TEP1: variants seen among roughly 807,000 people sequenced by gnomAD.
The protein encoded by TEP1 is telomerase protein component 1.
In TEP1, 241 loss-of-function variants were observed where a neutral mutation model predicts 306.3. The observed-to-expected ratio is 0.79, with a 90% CI of 0.71 to 0.88. TEP1 has a LOEUF of 0.88. TEP1 is among the 40% of genes least tolerant of loss of function. The pLI is 0.00. For missense variants in TEP1, 3,051 were observed against 3,276.1 expected, an observed-to-expected ratio of 0.93 and a Z score of 1.68; for synonymous variants, 1,289 against 1,305.5, an observed-to-expected ratio of 0.99 and a Z score of 0.27.
At chr14:20,407,520 T>C (rs1186594907) in intron 2 of TEP1, among the ~76,000 whole-genome samples, 1 of 152,202 alleles carries the variant, frequency 6.6e-6, no homozygotes, top group African/African-American at 2.4e-5. Context: ...TTTGTATTTT[T>C]GGTAGAGACG....
chr14:20,378,626 C>G, intron 37 of TEP1, 91 bp from the exon 38 acceptor site: 1 of 1,594,386 alleles, frequency 6.3e-7, no homozygotes. Flanking sequence ...GTCCAGTTAC[C>G]CTGCCCTCAG....
At chr14:20,394,474 C>CTTTTTTTTTTTT (rs747749338) in intron 12 of TEP1, among the ~76,000 whole-genome samples, 1 of 100,448 alleles carries the variant, frequency 1.0e-5, no homozygotes, top group African/African-American at 4.0e-5. Flanking sequence ...GCCCCTTGGG[C>CTTTTTTTTTTTT]TTTTTTTTTT....
intron 14 of TEP1, 88 bp from the exon 15 acceptor site, chr14:20,390,846 T>G (rs982255022): frequency 9.9e-6 from 16 of 1,612,036 alleles, no homozygotes; most frequent in African/African-American, 5.3e-5. Flanking sequence ...TCTTCAGAAC[T>G]GTGTATTGTC....
Position 20,406,285 on chromosome 14 carries a change from C to G in TEP1, c.683G>C (p.Gly228Ala), listed in dbSNP as rs1879168391. ...AGGCTCTGGATGAGATTCAGAGTCT[C>G]CAGAGGTGAGCTTCACGGCCAGATC... ...VEDLAVKLTS[G>A]DSESHPEPTD... Residue 228 changes from glycine (G) to alanine (A), a missense_variant, in exon 3 of 55, where the codon GGA becomes GCA. Gly to Ala is a moderately conservative substitution (Grantham distance 60). This residue lies in a region of TEP1 where 1,507 missense variants were observed against 1,550.5 expected (regional missense o/e 0.97). Transcript: ENST00000262715. 2 of 1,613,976 alleles carry G rather than the reference C, an allele frequency of 1.2e-6. No individual in the cohort carries two copies. The highest frequency in any genetic ancestry group is 1.7e-6 in the Non-Finnish European group (2 of 1,180,030).
At chr14:20,377,862 C>A in intron 39 of TEP1, 109 bp from the exon 40 acceptor site, 1 of 1,498,514 alleles carries the variant, frequency 6.7e-7, no homozygotes, top group South Asian at 1.2e-5. Flanking sequence ...AGACTCTTCT[C>A]ATGAGAGCTG....
intron 2 of TEP1, among the ~76,000 whole-genome samples, chr14:20,407,382 A>ACAGTCTC (rs1325929463): frequency 1.3e-5 from 2 of 152,196 alleles, no homozygotes; most frequent in East Asian, 3.8e-4. Context: ...TTTTTGAGAC[A>ACAGTCTC]CAGTCTCTCT....
chr14:20,391,868 C>T, intron 12 of TEP1, 101 bp from the exon 13 acceptor site: 1 of 1,342,830 alleles, frequency 7.4e-7, no homozygotes, highest in Non-Finnish European at 1.0e-6. Context: ...TGAGTCTTCT[C>T]CCTCCCTCAA....
At chr14:20,373,441 C>T in intron 46 of TEP1, 39 bp from the exon 47 acceptor site, 1 of 1,613,962 alleles carries the variant, frequency 6.2e-7, no homozygotes, top group Non-Finnish European at 8.5e-7. Flanking sequence ...TGAGAGTGGG[C>T]ACAACAGAAG....
intron 8 of TEP1, 121 bp downstream of exon 8, chr14:20,401,320 AAGGCAGTCATGTCTAC>A (rs1316317587): frequency 1.4e-6 from 2 of 1,393,452 alleles, no homozygotes; most frequent in South Asian, 1.4e-5. Flanking sequence ...AGCAATTGGA[AAGGCAGTCATGTCTAC>A]AGGGCATGTC....
intron 12 of TEP1, among the ~76,000 whole-genome samples, chr14:20,393,029 T>C (rs1032263503): frequency 1.7e-4 from 26 of 152,046 alleles, no homozygotes; most frequent in African/African-American, 5.1e-4. Flanking sequence ...CTGACTCACA[T>C]GGTGAAACCC....
chr14:20,404,943 C>G (rs745719303), intron 4 of TEP1, among the ~76,000 whole-genome samples, 171 bp from the exon 5 acceptor site: 1 of 152,212 alleles, frequency 6.6e-6, no homozygotes, highest in Non-Finnish European at 1.5e-5. Flanking sequence ...GTCCTCCATA[C>G]TCTATCCCTT....
At position 20,400,991 on chromosome 14, in the gene TEP1, T is replaced by A; in HGVS notation, c.1542A>T (p.Glu514Asp). The change falls in exon 9 of 55, where the codon GAA becomes GAT. Residue 514 changes from glutamate (E) to aspartate (D), a missense_variant. Glu to Asp is a conservative substitution (Grantham distance 45). Transcript: ENST00000262715. ...LRGNKASVWE[E>D]LIENGKLPFM... Reference sequence around the variant, plus strand: ...TGGTCAAGGTCACTCTACCAATGAGTTCCTCCCAGACCGACGCTTTGTTCC... The same window carrying A: ...TGGTCAAGGTCACTCTACCAATGAGATCCTCCCAGACCGACGCTTTGTTCC... The A allele has an allele frequency of 6.2e-7, 1 of 1,613,884 alleles. No individual in the cohort carries two copies. Among genetic ancestry groups the A allele is most frequent in the Non-Finnish European group, 8.5e-7 (1 of 1,179,934 alleles).
At chr14:20,390,621 A>G in intron 15 of TEP1, 60 bp downstream of exon 15, 1 of 1,512,568 alleles carries the variant, frequency 6.6e-7, no homozygotes, top group Non-Finnish European at 9.2e-7. Context: ...GAAATGAAAT[A>G]TATCAGTTGC....
Position 20,382,240 on chromosome 14 carries a change from T to G in TEP1, c.4257A>C (p.Leu1419=). The G allele has an allele frequency of 6.2e-7, 1 of 1,614,084 alleles. No individual in the cohort carries two copies. ...AGCACTGACCACTCCGTGTGACTTC[T>G]AGGGCAGTCAAGGCCTGGGGAAGGA... is the stretch of plus-strand genomic sequence containing the variant. ...PDVLPQALTA[L]EVTRSGLTVD... The change falls in exon 29 of 55, where the codon CTA becomes CTC. Residue 1419 remains leucine (L), a synonymous_variant. Transcript: ENST00000262715.
chr14:20,378,214 G>A lies in TEP1; in HGVS notation c.5531C>T (p.Ser1844Phe), dbSNP rs1594330670. 1 of 1,613,554 alleles carries A rather than the reference G, an allele frequency of 6.2e-7. No individual in the cohort carries two copies. The highest frequency in any genetic ancestry group is 2.2e-5 in the East Asian group (1 of 44,866). Residue 1844 changes from serine to phenylalanine, a missense_variant, in exon 39 of 55, where the codon TCT becomes TTT. Ser to Phe is a radical substitution (Grantham distance 155, BLOSUM62 -2). Transcript: ENST00000262715. The stretch of plus-strand genomic sequence containing the variant: ...CACATTGAAGGCCAAGGTACGGATA[G>A]AGGCTCCGGGTGCCCCCAGGTCCTA... ...VTKDLGAPGA[S>F]IRTLAFNVPG...
chr14:20,371,287 T>C lies in TEP1; in HGVS notation c.7248A>G (p.Ile2416Met). ...TGCCATACTCCTTGTGGGTGGACAA[T>C]ATCATAGGATTTTCTGTATAGCTGC... The part of the protein sequence containing the change: ...IWSSYTENPM[I>M]LSTHKEYGIF... The change falls in exon 51 of 55, where the codon ATA becomes ATG. Residue 2416 changes from isoleucine (I) to methionine (M), a missense_variant. Ile to Met is a conservative substitution (Grantham distance 10). Coordinates refer to ENST00000262715, the MANE Select transcript of TEP1 (RefSeq NM_007110.5). 1 of 1,614,154 alleles carries C rather than the reference T, an allele frequency of 6.2e-7. No homozygotes were observed. The highest frequency in any genetic ancestry group is 1.1e-5 in the South Asian group (1 of 91,080).
In TEP1 at chr14:20,377,396, G is replaced by A. The variant is rs753529913; in HGVS notation, c.5972C>T (p.Ser1991Phe). Residue 1991 changes from serine to phenylalanine, a missense_variant, in exon 41 of 55, where the codon TCC (serine) becomes TTC (phenylalanine). Transcript: ENST00000262715. ...TTCCTTGAGTGCCCAGCCCTGCAAGGACCCATCTTCTGCACCACTCACCAA... is the reference window on the plus strand; with the variant it reads ...TTCCTTGAGTGCCCAGCCCTGCAAGAACCCATCTTCTGCACCACTCACCAA... ...KVLVSGAEDG[S>F]LQGWALKECS... The A allele has an allele frequency of 5.0e-6, 8 of 1,613,944 alleles. No homozygotes were observed. Among genetic ancestry groups the A allele is most frequent in the Non-Finnish European group, 5.9e-6 (7 of 1,180,020 alleles).
At chr14:20,374,826 A>G (rs1885076748) in intron 43 of TEP1, among the ~76,000 whole-genome samples, 1 of 152,134 alleles carries the variant, frequency 6.6e-6, no homozygotes, top group African/African-American at 2.4e-5. Context: ...ACGGTGGCTC[A>G]TGCCTGTAAT....
intron 9 of TEP1, among the ~76,000 whole-genome samples, chr14:20,397,398 A>G (rs140782313): frequency 2.8e-4 from 42 of 152,244 alleles, no homozygotes; most frequent in Non-Finnish European, 4.9e-4. Flanking sequence ...AATCCCAGCC[A>G]CTCGAAAGGC....
Sources: allele counts gnomAD v4.1 joint callset (sites outside exome capture counted in the v4.1 genomes callset), GRCh38; gene constraint gnomAD v4.1.1; regional missense constraint gnomAD v4.1.1; transcripts MANE v1.5; gene names NCBI Gene and HGNC (gene_info 2026-07-23, HGNC 2026-07-21).